The following BCR variants were observed in gnomAD, a reference collection of about 807,000 sequenced individuals.
BCR encodes the protein breakpoint cluster region protein.
BCR carries 58 observed loss-of-function variants against 138.6 expected under a neutral mutation model. The observed-to-expected ratio is 0.42, with a 90% CI of 0.34 to 0.52. The LOEUF (loss-of-function observed/expected upper bound fraction) is 0.52, where lower values mean the gene tolerates loss of function less well. BCR is among the 20% of genes least tolerant of loss of function. The pLI is 0.06. For missense variants in BCR, 1,599 were observed against 1,727.2 expected (o/e 0.93, Z 1.32); for synonymous variants, 786 against 730.1 (o/e 1.08, Z -1.23).
At chr22:23,255,388 T>G (rs1317273909) in intron 2 of BCR, among the ~76,000 whole-genome samples, 3 of 152,206 alleles carry the variant, frequency 2.0e-5, no homozygotes, top group African/African-American at 7.2e-5. Context: ...AGTAACTTGC[T>G]TGGGCCACAC....
intron 16 of BCR, chr22:23,302,360 G>T (rs1474240142): frequency 6.6e-6 from 1 of 152,410 alleles, no homozygotes; most frequent in Non-Finnish European, 1.5e-5. Context: ...CTTGGGGCCT[G>T]CCAGGGACCT....
chr22:23,273,840 C>T (rs536988657), intron 8 of BCR, 66 bp downstream of exon 8: 49 of 1,595,298 alleles, frequency 3.1e-5, no homozygotes, highest in East Asian at 2.0e-4. Flanking sequence ...CAGGGCCCCT[C>T]GATCTGAGGT....
At chr22:23,272,483 A>G (rs2073520437) in intron 6 of BCR, among the ~76,000 whole-genome samples, 1 of 152,036 alleles carries the variant, frequency 6.6e-6, no homozygotes, top group Non-Finnish European at 1.5e-5. Flanking sequence ...CATCATGGAG[A>G]AGCACGGGTG....
intron 16 of BCR, among the ~76,000 whole-genome samples, chr22:23,304,713 A>G (rs1200866111): frequency 1.3e-5 from 2 of 152,298 alleles, no homozygotes; most frequent in South Asian, 4.1e-4. Flanking sequence ...CCATTTCTCT[A>G]CATCCTCACC....
At position 23,259,886 on chromosome 22, in the gene BCR, G is replaced by T. The variant is rs1192641063; in HGVS notation, c.1462-1064G>T. Among the ~76,000 whole-genome samples, 7 of 152,298 alleles carry T rather than the reference G, an allele frequency of 4.6e-5. No homozygotes were observed. In the East Asian group the frequency reaches 1.2e-3, roughly 25 times the overall value. ...GCATGAGGTCCCAGCTACTTGGGAG[G>T]CTCAGATGGGAGGATGACTTGAGCC... On this transcript the variant is annotated intron_variant, in intron 2 of 22. Transcript: ENST00000305877.
chr22:23,279,955 A>G (rs1283095127), intron 8 of BCR, among the ~76,000 whole-genome samples: 2 of 152,158 alleles, frequency 1.3e-5, no homozygotes, highest in Non-Finnish European at 2.9e-5. Context: ...CCACCCTCCC[A>G]CTGTACCCTC....
intron 16 of BCR, chr22:23,307,637 G>T (rs1327907781): frequency 1.3e-5 from 2 of 151,872 alleles, no homozygotes; most frequent in Non-Finnish European, 2.9e-5. Context: ...GGCCAGGTGC[G>T]GAATGAGAGC....
At chr22:23,282,024 A>G (rs1421180552) in intron 8 of BCR, among the ~76,000 whole-genome samples, 2 of 152,160 alleles carry the variant, frequency 1.3e-5, no homozygotes, top group Non-Finnish European at 2.9e-5. Flanking sequence ...CGAGAAGCTC[A>G]CTGCCTTTGT....
At chr22:23,245,567 A>G (rs919130093) in intron 1 of BCR, among the ~76,000 whole-genome samples, 1 of 152,050 alleles carries the variant, frequency 6.6e-6, no homozygotes, top group South Asian at 2.1e-4. Context: ...TTTATAAAGA[A>G]TTTTGAGGCA....
chr22:23,290,100 A>G, intron 13 of BCR: 1 of 584,950 alleles, frequency 1.7e-6, no homozygotes, highest in Non-Finnish European at 3.1e-6. Context: ...TGTCCTTGGA[A>G]CCTTATTACA....
intron 8 of BCR, among the ~76,000 whole-genome samples, chr22:23,278,004 GCA>G (rs1369934758): frequency 6.6e-6 from 1 of 152,230 alleles, no homozygotes; most frequent in Non-Finnish European, 1.5e-5. Context: ...GATCCCGCAG[GCA>G]CAGTTTCTTT....
At chr22:23,228,069 C>T (rs2072914137) in intron 1 of BCR, among the ~76,000 whole-genome samples, 1 of 152,052 alleles carries the variant, frequency 6.6e-6, no homozygotes. Flanking sequence ...GTAGTGATAT[C>T]CCCTCTTTCA....
At chr22:23,206,063 G>A (rs957714804) in intron 1 of BCR, among the ~76,000 whole-genome samples, 5 of 152,182 alleles carry the variant, frequency 3.3e-5, no homozygotes, top group African/African-American at 1.2e-4. Context: ...CCTCAGAGAA[G>A]TTGCCGGAGG....
chr22:23,260,081 T>TGGGGGTTAGGGCTTCCACGTGA (rs1282551398), intron 2 of BCR, among the ~76,000 whole-genome samples: 2 of 152,208 alleles, frequency 1.3e-5, no homozygotes, highest in African/African-American at 4.8e-5. Flanking sequence ...TCTAAGGTAC[T>TGGGGGTTAGGGCTTCCACGTGA]GGGGGTTAGG....
intron 1 of BCR, among the ~76,000 whole-genome samples, chr22:23,210,174 G>A (rs753150143): frequency 1.6e-4 from 24 of 152,016 alleles, no homozygotes; most frequent in African/African-American, 4.6e-4. Context: ...CTGTATTACC[G>A]GGAGGCTGAG....
Position 23,253,899 on chromosome 22 carries a change from C to T in BCR, c.1380C>T (p.Pro460=). ...QDGLPYIDDS[P]SSSPHLSSKG... is the part of the protein sequence containing the mutation. ...GGCTGCCCTACATTGATGACTCGCC[C>T]TCCTCATCGCCCCACCTCAGCAGCA... Residue 460 remains proline (P), a synonymous_variant, in exon 2 of 23, where the codon CCC becomes CCT. Coordinates refer to ENST00000305877, the MANE Select transcript of BCR (RefSeq NM_004327.4). 1.2e-6 allele frequency: 2 copies of T among 1,613,236 alleles called. No individual in the cohort carries two copies. Among genetic ancestry groups the T allele is most frequent in the Non-Finnish European group, 1.7e-6 (2 of 1,179,988 alleles).
At chr22:23,242,891 T>C (rs2073110736) in intron 1 of BCR, 1 of 455,712 alleles carries the variant, frequency 2.2e-6, no homozygotes, top group Non-Finnish European at 4.4e-6. Context: ...GGGAGGATCC[T>C]TCCTTTCTGT....
intron 14 of BCR, among the ~76,000 whole-genome samples, chr22:23,291,372 G>A (rs745787186): frequency 3.3e-4 from 50 of 151,892 alleles, no homozygotes; most frequent in East Asian, 5.8e-4. Context: ...TGCTGTTTGC[G>A]CTCACATTTA....
At chr22:23,219,206 G>C (rs959857080) in intron 1 of BCR, among the ~76,000 whole-genome samples, 8 of 152,198 alleles carry the variant, frequency 5.3e-5, no homozygotes, top group African/African-American at 1.9e-4. Context: ...CTGGTGGGGT[G>C]TGTCTTCCAA....
Sources: allele counts gnomAD v4.1 joint callset (sites outside exome capture counted in the v4.1 genomes callset), GRCh38; gene constraint gnomAD v4.1.1; transcripts MANE v1.5; gene names NCBI Gene and HGNC (gene_info 2026-07-23, HGNC 2026-07-21).